The following CCDC7 variants were observed in gnomAD, a reference collection of about 807,000 sequenced individuals.
CCDC7 encodes the protein coiled-coil domain containing 7.
In CCDC7, 183 loss-of-function variants were observed where a neutral mutation model predicts 196.9. The observed-to-expected ratio is 0.93, with a 90% confidence interval of 0.82 to 1.05. The LOEUF is 1.05. CCDC7 is among the 50% of genes least tolerant of loss of function. The pLI, the probability that CCDC7 is intolerant of heterozygous loss-of-function variation, is 0.00. For missense variants in CCDC7, 1,540 were observed against 1,482.2 expected, an observed-to-expected ratio of 1.04 and a Z score of -0.64; for synonymous variants, 525 against 484.6, an observed-to-expected ratio of 1.08 and a Z score of -1.10.
chr10:32,561,945 G>A lies in CCDC7; in HGVS notation c.1135-3613G>A, dbSNP rs569604609. ...GAAAAGAGAGAAGAATCAAATAGAC[G>A]CAATAAAAAATGATAAAGGGGATAT... is the stretch of plus-strand genomic sequence containing the variant. On this transcript the variant is annotated intron_variant, in intron 13 of 41. Coordinates refer to ENST00000639629, the Ensembl canonical transcript of CCDC7. 2.7e-3 allele frequency among the ~76,000 whole-genome samples: 413 copies of A among 152,010 alleles called. 4 individuals carry two copies. Among genetic ancestry groups the A allele is most frequent in the Admixed American group, 0.016 (246 of 15,260 alleles).
intron 18 of CCDC7, among the ~76,000 whole-genome samples, chr10:32,633,960 C>T (rs2065249690): frequency 6.6e-6 from 1 of 151,238 alleles, no homozygotes; most frequent in Non-Finnish European, 1.5e-5. Context: ...TATTTTTCTT[C>T]ATCTCTCCTT....
chr10:32,845,936 C>T, exon 36 of CCDC7: 1 of 1,611,752 alleles, frequency 6.2e-7, no homozygotes, highest in Non-Finnish European at 8.5e-7. Context: ...GGGCCAATCA[C>T]TACACAACTG....
exon 35 of CCDC7, chr10:32,845,614 A>G: frequency 1.9e-6 from 3 of 1,611,508 alleles, no homozygotes; most frequent in Non-Finnish European, 2.5e-6. Context: ...GACACAATTA[A>G]AAAGTCACCC....
intron 31 of CCDC7, among the ~76,000 whole-genome samples, chr10:32,816,773 G>C (rs529557439): frequency 6.6e-6 from 1 of 152,294 alleles, no homozygotes; most frequent in African/African-American, 2.4e-5. Context: ...GCAGCTGAGG[G>C]TCCTGACTAT....
chr10:32,822,525 A>G (rs1430145669), intron 31 of CCDC7, among the ~76,000 whole-genome samples: 2 of 152,140 alleles, frequency 1.3e-5, no homozygotes, highest in Non-Finnish European at 2.9e-5. Context: ...TAAAAGGCAT[A>G]AAGTTATACA....
intron 9 of CCDC7, 76 bp from the exon 11 acceptor site, chr10:32,517,869 A>G (rs1454946216): frequency 3.3e-6 from 5 of 1,523,174 alleles, no homozygotes; most frequent in South Asian, 2.5e-5. Flanking sequence ...AAGAAAAAAA[A>G]AGAAAATGTG....
intron 20 of CCDC7, among the ~76,000 whole-genome samples, chr10:32,652,363 C>G (rs545078241): frequency 6.6e-6 from 1 of 151,876 alleles, no homozygotes; most frequent in Non-Finnish European, 1.5e-5. Context: ...TTTTTTCATT[C>G]AGCCACTCTA....
intron 11 of CCDC7, among the ~76,000 whole-genome samples, chr10:32,527,262 C>T (rs944969833): frequency 6.6e-6 from 1 of 152,158 alleles, no homozygotes; most frequent in African/African-American, 2.4e-5. Flanking sequence ...ATTCTTTCTC[C>T]ACCCCACATG....
intron 20 of CCDC7, among the ~76,000 whole-genome samples, chr10:32,640,876 CTTT>C (rs1193198487): frequency 1.1e-5 from 1 of 87,104 alleles, no homozygotes; most frequent in African/African-American, 3.9e-5. Context: ...TTTTTTTTTT[CTTT>C]TTTTTTTTAT....
At chr10:32,675,219 A>T (rs1205023560) in intron 21 of CCDC7, among the ~76,000 whole-genome samples, 2 of 151,964 alleles carry the variant, frequency 1.3e-5, no homozygotes, top group East Asian at 1.9e-4. Flanking sequence ...TTTTATAATG[A>T]TATACTTTAT....
Position 32,539,792 on chromosome 10 carries a change from G to A in CCDC7, c.994-3508G>A, listed in dbSNP as rs1013453895. On this transcript the variant is annotated intron_variant, in intron 11 of 41. Coordinates refer to ENST00000639629, the Ensembl canonical transcript of CCDC7. The stretch of plus-strand genomic sequence containing the variant: ...TTACCCAAATGTCATTCAGGAGGAG[G>A]TTGTTTAATTTCCGCATAATTGTAT... 6.5e-5 allele frequency among the ~76,000 whole-genome samples: 9 copies of A among 139,310 alleles called. No homozygotes were observed. The South Asian group carries it at 1.7e-3, about 26-fold the overall frequency. 91.4% of individuals were successfully genotyped at this position (139,310 alleles called of 152,430 possible). A position where few individuals can be genotyped will look rare whatever the true frequency, so the allele number is the denominator to read the frequency against.
In CCDC7 at chr10:32,876,354, T is replaced by C; in HGVS notation, c.4119T>C (p.His1373=). The change falls in exon 42 of 42, where the codon CAT becomes CAC. Residue 1373 remains histidine, a synonymous_variant. Transcript: ENST00000639629. ...CATAACTTTTCTTTAAAGTGTTACATGCTGCTGCCCGAAAATCTGTACCAC... is the reference window on the plus strand; with the variant it reads ...CATAACTTTTCTTTAAAGTGTTACACGCTGCTGCCCGAAAATCTGTACCAC... The C allele has an allele frequency of 3.1e-6, 5 of 1,610,834 alleles. No individual in the cohort carries two copies. The South Asian group carries it at 3.3e-5, about 11-fold the overall frequency.
intron 8 of CCDC7, 48 bp downstream of exon 9, chr10:32,474,071 C>G (rs753827377): frequency 3.8e-6 from 6 of 1,573,550 alleles, no homozygotes; most frequent in Middle Eastern, 1.7e-4. Context: ...ACCTCTGTTA[C>G]ATTAATTTCT....
intron 32 of CCDC7, among the ~76,000 whole-genome samples, chr10:32,826,318 C>T (rs774679521): frequency 6.6e-6 from 1 of 152,182 alleles, no homozygotes; most frequent in Non-Finnish European, 1.5e-5. Flanking sequence ...GGGCAGGAAG[C>T]ATCCAGCACA....
chr10:32,711,725 G>A (rs770227739), exon 25 of CCDC7: 24 of 1,529,334 alleles, frequency 1.6e-5, no homozygotes, highest in African/African-American at 5.6e-5. Context: ...GGAGAAGGAC[G>A]TAGCAGTAAG....
chr10:32,665,905 CT>C (rs1369614720), intron 21 of CCDC7, among the ~76,000 whole-genome samples: 2 of 151,880 alleles, frequency 1.3e-5, no homozygotes, highest in African/African-American at 4.8e-5. Context: ...CATTGTAGAA[CT>C]TTTTTTCCTC....
At chr10:32,625,246 C>T (rs1196939600) in intron 18 of CCDC7, among the ~76,000 whole-genome samples, 1 of 151,318 alleles carries the variant, frequency 6.6e-6, no homozygotes, top group African/African-American at 2.4e-5. Flanking sequence ...TTTTCTCAAC[C>T]TAATTTAAGG....
At chr10:32,726,964 T>G (rs2083220441) in intron 26 of CCDC7, 132 bp downstream of exon 27, 1 of 574,732 alleles carries the variant, frequency 1.7e-6, no homozygotes, top group Non-Finnish European at 2.9e-6. Flanking sequence ...CCTGAAGTCT[T>G]AAGATAAGTA....
chr10:32,834,839 G>A lies in CCDC7; in HGVS notation c.3293G>A (p.Gly1098Asp), dbSNP rs752372094. Reference sequence around the variant, plus strand: ...GAGACTGTCTTAAAACACTTGAAAGGTGTTAATGGAAAAGATATAATAAAG... The same window carrying A: ...GAGACTGTCTTAAAACACTTGAAAGATGTTAATGGAAAAGATATAATAAAG... The change falls in exon 33 of 42, where the codon GGT becomes GAT. Residue 1098 changes from glycine to aspartate, a missense_variant. Transcript: ENST00000639629. 5 of 1,456,116 alleles carry A rather than the reference G, an allele frequency of 3.4e-6. No individual in the cohort carries two copies. In the South Asian group the frequency reaches 3.5e-5, roughly 10 times the overall value. The allele number at this position is 1,456,116 out of a possible 1,614,324, so 90.2% of individuals were successfully genotyped here. A position where few individuals can be genotyped will look rare whatever the true frequency, so the allele number is the denominator to read the frequency against.
Sources: gnomAD v4.1 joint callset for allele counts (sites outside exome capture counted in the v4.1 genomes callset) on GRCh38, gnomAD v4.1.1 for gene constraint, MANE v1.5 for transcripts, NCBI Gene and HGNC (gene_info 2026-07-23, HGNC 2026-07-21) for gene names.